MAGI2: variants seen among roughly 807,000 people sequenced by gnomAD.
The protein encoded by MAGI2 is membrane associated guanylate kinase, WW and PDZ domain containing 2, also known as membrane-associated guanylate kinase, WW and PDZ domain-containing protein 2.
A neutral mutation model predicts 133.3 loss-of-function variants in MAGI2; 35 were observed. That is an observed-to-expected ratio of 0.26 (90% CI 0.20 to 0.35). The LOEUF (loss-of-function observed/expected upper bound fraction) is 0.35, where lower values mean the gene tolerates loss of function less well. Among genes scored for constraint, MAGI2 ranks in the 10% least tolerant of loss-of-function variants. MAGI2 has a pLI of 1.00. For synonymous variants in MAGI2, 729 were observed against 710.6 expected, an observed-to-expected ratio of 1.03 and a Z score of -0.41; for missense variants, 1,636 against 1,863.4, an observed-to-expected ratio of 0.88 and a Z score of 2.25.
chr7:79,421,527 A>G (rs143432047), intron 1 of MAGI2, among the ~76,000 whole-genome samples: 1 of 151,944 alleles, frequency 6.6e-6, no homozygotes, highest in Non-Finnish European at 1.5e-5. Context: ...AATTAAACTT[A>G]CAAAAGGTAC....
At chr7:78,910,489 C>G (rs907262926) in intron 2 of MAGI2, among the ~76,000 whole-genome samples, 1 of 152,066 alleles carries the variant, frequency 6.6e-6, no homozygotes, top group Admixed American at 6.5e-5. Flanking sequence ...TAACTTGGTT[C>G]TGTGAAATAA....
chr7:78,298,021 TAACA>T lies in MAGI2; in HGVS notation c.1409-41444_1409-41441del, dbSNP rs1398286557. On this transcript the variant is annotated intron_variant, in intron 9 of 21. Transcript: ENST00000354212. ...GAATTGTCTGGGAAAAAAAAAAGAT[TAACA>T]TTAACAAGCAATGTCATGTTGATAG... Among the ~76,000 whole-genome samples the T allele has an allele frequency of 2.0e-5, 3 of 151,568 alleles. No individual in the cohort carries two copies. In the East Asian group the frequency reaches 5.8e-4, roughly 29 times the overall value.
intron 2 of MAGI2, among the ~76,000 whole-genome samples, chr7:78,848,007 C>T (rs931138338): frequency 6.6e-5 from 10 of 151,888 alleles, no homozygotes; most frequent in African/African-American, 2.4e-4. Context: ...AATTATCAAG[C>T]ACTAAAAATG....
At chr7:78,475,659 G>A (rs1563055304) in intron 6 of MAGI2, among the ~76,000 whole-genome samples, 1 of 151,644 alleles carries the variant, frequency 6.6e-6, no homozygotes, top group Non-Finnish European at 1.5e-5. Context: ...AATGAATATA[G>A]CACTTAAATG....
intron 1 of MAGI2, among the ~76,000 whole-genome samples, chr7:79,439,084 A>G (rs1355568704): frequency 1.3e-5 from 2 of 151,930 alleles, no homozygotes; most frequent in Admixed American, 1.3e-4. Context: ...TCATTGGTCT[A>G]TATTTATTTT....
chr7:78,921,264 G>A (rs746740411), intron 2 of MAGI2, among the ~76,000 whole-genome samples: 12 of 152,106 alleles, frequency 7.9e-5, no homozygotes, highest in Non-Finnish European at 7.4e-5. Flanking sequence ...CTGTGTTTAT[G>A]CTTAGGTGCT....
chr7:78,114,795 T>C (rs1819695097), intron 20 of MAGI2, among the ~76,000 whole-genome samples: 1 of 152,122 alleles, frequency 6.6e-6, no homozygotes, highest in Admixed American at 6.6e-5. Context: ...ATTAGTGACT[T>C]TGTGGACATG....
At chr7:78,474,359 G>C (rs901899064) in intron 6 of MAGI2, among the ~76,000 whole-genome samples, 3 of 151,854 alleles carry the variant, frequency 2.0e-5, no homozygotes, top group African/African-American at 7.3e-5. Context: ...ATTTTCATTC[G>C]GCTATGCTCC....
Position 79,398,440 on chromosome 7 carries a change from G to A in MAGI2, c.301+54580C>T, listed in dbSNP as rs1355957899. Among the ~76,000 whole-genome samples the A allele has an allele frequency of 1.3e-5, 2 of 152,182 alleles. 1 individual carries two copies. The highest frequency in any genetic ancestry group is 3.8e-4 in the East Asian group (2 of 5,196). On this transcript the variant is annotated intron_variant, in intron 1 of 21. Transcript: ENST00000354212. ...TTCAGTGGGCTCAAGATGTTTGTGA[G>A]AGGCATGTCCTGAGACAAATCCCCA...
chr7:79,331,648 C>T (rs935180775), intron 1 of MAGI2, among the ~76,000 whole-genome samples: 1 of 152,118 alleles, frequency 6.6e-6, no homozygotes, highest in Non-Finnish European at 1.5e-5. Context: ...TGATTGGCCT[C>T]ACAATGATTC....
At chr7:78,479,081 C>T (rs901844773) in intron 6 of MAGI2, among the ~76,000 whole-genome samples, 3 of 151,934 alleles carry the variant, frequency 2.0e-5, no homozygotes, top group Non-Finnish European at 2.9e-5. Flanking sequence ...CAGTGAACCC[C>T]TGACATCAAT....
At chr7:78,496,772 A>G (rs371488960) in intron 5 of MAGI2, among the ~76,000 whole-genome samples, 1 of 152,188 alleles carries the variant, frequency 6.6e-6, no homozygotes, top group African/African-American at 2.4e-5. Context: ...TAGGCATCAC[A>G]GCAAATTGGT....
intron 1 of MAGI2, among the ~76,000 whole-genome samples, chr7:79,387,654 C>T (rs533595938): frequency 1.5e-4 from 23 of 151,894 alleles, no homozygotes; most frequent in Non-Finnish European, 2.8e-4. Flanking sequence ...TAACTGTTGG[C>T]TTTCAATAAT....
chr7:78,992,997 G>T (rs569831710), intron 2 of MAGI2, among the ~76,000 whole-genome samples: 7 of 152,022 alleles, frequency 4.6e-5, no homozygotes, highest in African/African-American at 1.7e-4. Context: ...TTTCATGTGA[G>T]AAATATGATT....
At chr7:78,350,668 G>C (rs551612751) in intron 7 of MAGI2, 1 of 152,348 alleles carries the variant, frequency 6.6e-6, no homozygotes, top group Non-Finnish European at 1.5e-5. Flanking sequence ...ATTTGCAGCT[G>C]ATTAGAGGCC....
At chr7:78,565,473 C>CT (rs1800851613) in intron 3 of MAGI2, among the ~76,000 whole-genome samples, 1 of 138,040 alleles carries the variant, frequency 7.2e-6, no homozygotes. Context: ...CTCTAAAACG[C>CT]TAAAAAAAAA....
chr7:78,447,019 C>A (rs1788214001), intron 6 of MAGI2, among the ~76,000 whole-genome samples: 1 of 152,002 alleles, frequency 6.6e-6, no homozygotes, highest in Admixed American at 6.6e-5. Flanking sequence ...TCATCAGTTA[C>A]AACAAATTTT....
At chr7:78,757,550 T>G (rs1447069263) in intron 2 of MAGI2, among the ~76,000 whole-genome samples, 1 of 152,174 alleles carries the variant, frequency 6.6e-6, no homozygotes, top group African/African-American at 2.4e-5. Flanking sequence ...CATTTCCGTT[T>G]TATTATCTTG....
chr7:78,441,807 T>A (rs1309292556), intron 6 of MAGI2, among the ~76,000 whole-genome samples: 1 of 152,138 alleles, frequency 6.6e-6, no homozygotes, highest in Non-Finnish European at 1.5e-5. Flanking sequence ...AGGAATGAAA[T>A]AATTAACATT....
Sources: gnomAD v4.1 joint callset for allele counts (sites outside exome capture counted in the v4.1 genomes callset) on GRCh38, gnomAD v4.1.1 for gene constraint, MANE v1.5 for transcripts, NCBI Gene and HGNC (gene_info 2026-07-23, HGNC 2026-07-21) for gene names.